The following ARHGAP26 variants were observed in gnomAD, a reference collection of about 807,000 sequenced individuals.
ARHGAP26 encodes the protein Rho GTPase activating protein 26.
In ARHGAP26, 38 loss-of-function variants were observed where a neutral mutation model predicts 104.8. The observed-to-expected ratio is 0.36, with a 90% CI of 0.28 to 0.48. The LOEUF (loss-of-function observed/expected upper bound fraction) is 0.48. Among genes scored for constraint, ARHGAP26 ranks in the 20% least tolerant of loss-of-function variants. The pLI is 0.99. For missense variants in ARHGAP26, 704 were observed against 947.9 expected (o/e 0.74, Z 3.38); for synonymous variants, 341 against 340.0 (o/e 1.00, Z -0.03).
chr5:142,899,940 C>T (rs780178744), intron 6 of ARHGAP26, among the ~76,000 whole-genome samples: 23 of 152,288 alleles, frequency 1.5e-4, no homozygotes, highest in Non-Finnish European at 2.9e-4. Context: ...TTAATTACCC[C>T]GAGCAAGAGA....
At chr5:142,957,736 A>G (rs1387728626) in intron 11 of ARHGAP26, among the ~76,000 whole-genome samples, 1 of 152,252 alleles carries the variant, frequency 6.6e-6, no homozygotes, top group African/African-American at 2.4e-5. Flanking sequence ...ACTCTCTGCC[A>G]TGACCCAGAG....
chr5:143,002,197 C>A (rs1471030266), intron 11 of ARHGAP26, among the ~76,000 whole-genome samples: 4 of 152,160 alleles, frequency 2.6e-5, no homozygotes, highest in Admixed American at 2.6e-4. Context: ...GTGACTCACT[C>A]TCTGCCCGTT....
rs200335553 is a variant in ARHGAP26 at position 142,948,042 on chromosome 5, A to AT, written c.1107+15926dup. Among the ~76,000 whole-genome samples, 1,194 of 151,284 alleles carry AT rather than the reference A, an allele frequency of 7.9e-3. 10 individuals carry two copies. The highest frequency in any genetic ancestry group is 0.012 in the Non-Finnish European group (839 of 67,752). On this transcript the variant is annotated intron_variant, in intron 11 of 22. Transcript: ENST00000645722. ...TCATACCTTGTGTCTTAAACAAAACATTTTTTTTTGAATGAATGGATTTAA... is the reference window on the plus strand; with the variant it reads ...TCATACCTTGTGTCTTAAACAAAACATTTTTTTTTTGAATGAATGGATTTAA...
chr5:143,079,442 G>T (rs1311601469), intron 17 of ARHGAP26, among the ~76,000 whole-genome samples: 1 of 152,164 alleles, frequency 6.6e-6, no homozygotes, highest in Non-Finnish European at 1.5e-5. Flanking sequence ...AGAAAGGCAG[G>T]CAGGGAGATC....
At chr5:143,063,915 C>T (rs765675151) in intron 17 of ARHGAP26, among the ~76,000 whole-genome samples, 16 of 152,184 alleles carry the variant, frequency 1.1e-4, no homozygotes, top group Non-Finnish European at 1.9e-4. Flanking sequence ...ATGTATCTCT[C>T]CCTCCTGTGA....
At chr5:142,997,486 G>T (rs1776575311) in intron 11 of ARHGAP26, among the ~76,000 whole-genome samples, 1 of 151,900 alleles carries the variant, frequency 6.6e-6, no homozygotes, top group Non-Finnish European at 1.5e-5. Context: ...ATAGCTCATT[G>T]CAGCCTCGAT....
At chr5:143,220,933 C>T (rs148265842) in intron 22 of ARHGAP26, among the ~76,000 whole-genome samples, 16 of 152,150 alleles carry the variant, frequency 1.1e-4, no homozygotes, top group South Asian at 2.1e-4. Flanking sequence ...AGTGTCGGAG[C>T]GGAAATGCTT....
At chr5:143,082,537 T>C (rs545798920) in intron 17 of ARHGAP26, among the ~76,000 whole-genome samples, 4 of 152,294 alleles carry the variant, frequency 2.6e-5, no homozygotes, top group East Asian at 1.9e-4. Context: ...AAGCAAAAAT[T>C]GGGATTTTTA....
chr5:142,941,283 C>G (rs10042004), intron 11 of ARHGAP26, among the ~76,000 whole-genome samples: 15,083 of 151,738 alleles, frequency 0.099, 1,889 homozygotes, highest in African/African-American at 0.29. Context: ...GTTATTTTTT[C>G]ACTTTTTAGT....
At chr5:142,998,853 C>A (rs1022587445) in intron 11 of ARHGAP26, among the ~76,000 whole-genome samples, 2 of 152,178 alleles carry the variant, frequency 1.3e-5, no homozygotes, top group Non-Finnish European at 2.9e-5. Flanking sequence ...TGATCAGCAG[C>A]TTTCCAACCT....
chr5:142,906,526 C>G (rs1370965296), intron 8 of ARHGAP26, among the ~76,000 whole-genome samples: 1 of 152,214 alleles, frequency 6.6e-6, no homozygotes, highest in East Asian at 1.9e-4. Flanking sequence ...GTCTATCCAT[C>G]CATCCGTCCG....
At chr5:142,963,168 A>ATATATATATATATATATATG (rs1562164149) in intron 11 of ARHGAP26, among the ~76,000 whole-genome samples, 7 of 60,382 alleles carry the variant, frequency 1.2e-4, no homozygotes, top group African/African-American at 8.0e-4. Flanking sequence ...TCCATGGTAT[A>ATATATATATATATATATATG]TATGTATATA....
chr5:143,156,852 G>T (rs712188), intron 20 of ARHGAP26, among the ~76,000 whole-genome samples: 31,703 of 152,148 alleles, frequency 0.21, 3,961 homozygotes, highest in East Asian at 0.39. Context: ...AGCTCACCAG[G>T]GCTGCACTTT....
At chr5:143,051,279 A>T (rs990729872) in intron 14 of ARHGAP26, among the ~76,000 whole-genome samples, 2 of 152,170 alleles carry the variant, frequency 1.3e-5, no homozygotes, top group Non-Finnish European at 2.9e-5. Flanking sequence ...CATTTCTAAG[A>T]CGTTCTCCGC....
intron 20 of ARHGAP26, among the ~76,000 whole-genome samples, chr5:143,162,381 G>C (rs1479859592): frequency 6.6e-6 from 1 of 151,852 alleles, no homozygotes; most frequent in Non-Finnish European, 1.5e-5. Context: ...TATGTCCTTA[G>C]TCATCCCATG....
At chr5:143,081,784 C>T (rs547250107) in intron 17 of ARHGAP26, among the ~76,000 whole-genome samples, 2 of 152,072 alleles carry the variant, frequency 1.3e-5, no homozygotes, top group African/African-American at 2.4e-5. Flanking sequence ...GAGGCCGAGG[C>T]CGGCGGATCA....
intron 5 of ARHGAP26, among the ~76,000 whole-genome samples, chr5:142,890,151 A>AAAAAAATATATATAT (rs1252590997): frequency 6.2e-5 from 2 of 32,432 alleles, no homozygotes; most frequent in Non-Finnish European, 5.5e-5. Context: ...AAAAAAAAAA[A>AAAAAAATATATATAT]ATATATATAT....
chr5:142,774,182 G>A (rs1386236454), intron 1 of ARHGAP26, among the ~76,000 whole-genome samples: 2 of 152,146 alleles, frequency 1.3e-5, no homozygotes, highest in Non-Finnish European at 2.9e-5. Flanking sequence ...CTAATTATTT[G>A]TAAATGGTAG....
intron 1 of ARHGAP26, among the ~76,000 whole-genome samples, chr5:142,860,729 C>G (rs576977372): frequency 6.6e-6 from 1 of 152,310 alleles, no homozygotes; most frequent in South Asian, 2.1e-4. Context: ...TTTCTTCTAC[C>G]ACGAGCATTA....
Sources: allele counts gnomAD v4.1 joint callset (sites outside exome capture counted in the v4.1 genomes callset), GRCh38; gene constraint gnomAD v4.1.1; transcripts MANE v1.5; gene names NCBI Gene and HGNC (gene_info 2026-07-23, HGNC 2026-07-21).